The following AUTS2 variants were observed in gnomAD, a reference collection of about 807,000 sequenced individuals.
AUTS2 encodes activator of transcription and developmental regulator AUTS2.
In AUTS2, 17 loss-of-function variants were observed where a neutral mutation model predicts 112.4. That is an observed-to-expected ratio of 0.15 (90% confidence interval 0.10 to 0.23). The LOEUF (loss-of-function observed/expected upper bound fraction) is 0.23, where lower values mean the gene tolerates loss of function less well. Ranked by LOEUF, AUTS2 falls within the 10% of genes least tolerant of loss-of-function variation. The probability of loss-of-function intolerance (pLI) is 1.00; values close to 1 mark genes in which losing one functional copy is unlikely to be tolerated. For missense variants in AUTS2, 1,510 were observed against 1,701.6 expected (o/e 0.89, Z 1.98); for synonymous variants, 751 against 702.7 (o/e 1.07, Z -1.09).
chr7:70,509,532 T>A (rs1799099364), intron 5 of AUTS2, among the ~76,000 whole-genome samples: 1 of 152,202 alleles, frequency 6.6e-6, no homozygotes, highest in Non-Finnish European at 1.5e-5. Flanking sequence ...TAGGGAGGAT[T>A]CTTTAGTTTA....
chr7:69,710,638 C>G (rs565422861), intron 1 of AUTS2, among the ~76,000 whole-genome samples: 23 of 152,344 alleles, frequency 1.5e-4, no homozygotes, highest in African/African-American at 5.3e-4. Context: ...AAAACCTAAA[C>G]TTCTAAGTTG....
intron 5 of AUTS2, among the ~76,000 whole-genome samples, chr7:70,524,655 A>C (rs1437987383): frequency 6.6e-6 from 1 of 152,198 alleles, no homozygotes; most frequent in Non-Finnish European, 1.5e-5. Flanking sequence ...TTGGCTTTCC[A>C]GGCAGCCTCA....
intron 1 of AUTS2, among the ~76,000 whole-genome samples, chr7:69,687,207 C>G (rs1356709622): frequency 6.6e-6 from 1 of 152,100 alleles, no homozygotes; most frequent in Non-Finnish European, 1.5e-5. Context: ...TTCAAAAAGT[C>G]AAATTTCTAA....
intron 5 of AUTS2, among the ~76,000 whole-genome samples, chr7:70,562,480 A>G (rs1317894350): frequency 1.3e-5 from 2 of 152,220 alleles, no homozygotes; most frequent in African/African-American, 4.8e-5. Flanking sequence ...CTGTATTGAT[A>G]GGCCAGTAGA....
intron 1 of AUTS2, among the ~76,000 whole-genome samples, chr7:69,747,960 A>G (rs1787573789): frequency 6.6e-6 from 1 of 152,154 alleles, no homozygotes; most frequent in South Asian, 2.1e-4. Flanking sequence ...GGGATGGCTT[A>G]GCATTGTATT....
intron 2 of AUTS2, among the ~76,000 whole-genome samples, chr7:69,961,629 A>G (rs762645596): frequency 3.9e-5 from 6 of 152,166 alleles, no homozygotes; most frequent in Non-Finnish European, 8.8e-5. Context: ...TCTTAGCTCA[A>G]AATTCTCTGG....
intron 5 of AUTS2, among the ~76,000 whole-genome samples, chr7:70,665,674 C>A (rs1188389286): frequency 6.6e-6 from 1 of 152,128 alleles, no homozygotes; most frequent in African/African-American, 2.4e-5. Flanking sequence ...GACCTTTAAA[C>A]AACTCGGGTT....
intron 1 of AUTS2, among the ~76,000 whole-genome samples, chr7:69,668,924 T>C (rs1796193761): frequency 6.6e-6 from 1 of 152,180 alleles, no homozygotes; most frequent in African/African-American, 2.4e-5. Flanking sequence ...AATCATTTGT[T>C]GGTAGTAGCA....
intron 1 of AUTS2, among the ~76,000 whole-genome samples, chr7:69,713,767 G>T (rs1418010128): frequency 6.6e-6 from 1 of 152,040 alleles, no homozygotes; most frequent in Non-Finnish European, 1.5e-5. Context: ...GGCCTTAAGA[G>T]TTCTTTACGT....
intron 2 of AUTS2, among the ~76,000 whole-genome samples, chr7:69,977,679 T>G (rs2129549104): frequency 6.6e-6 from 1 of 152,342 alleles, no homozygotes; most frequent in Non-Finnish European, 1.5e-5. Flanking sequence ...GTACTTGTCT[T>G]TACAGTTTCC....
At chr7:70,503,772 G>A (rs942544903) in intron 5 of AUTS2, among the ~76,000 whole-genome samples, 1 of 150,552 alleles carries the variant, frequency 6.6e-6, no homozygotes, top group East Asian at 1.9e-4. Context: ...TCCCACCTTG[G>A]CCTCCCAAAA....
At position 70,502,121 on chromosome 7, in the gene AUTS2, G is replaced by A. The variant is rs927107752; in HGVS notation, c.690+66340G>A. On this transcript the variant is annotated intron_variant, in intron 5 of 18. Coordinates refer to ENST00000342771, the MANE Select transcript of AUTS2 (RefSeq NM_015570.4). ...ACTGGTTAGAAATGGAAGCACCTCC[G>A]TGACTTTCCTCTCCCTGTCATGGTG... Among the ~76,000 whole-genome samples, 3 of 152,128 alleles carry A rather than the reference G, an allele frequency of 2.0e-5. 1 individual carries two copies. Among genetic ancestry groups the A allele is most frequent in the South Asian group, 4.1e-4 (2 of 4,830 alleles).
chr7:70,391,185 G>T lies in AUTS2; in HGVS notation c.661-44567G>T, dbSNP rs529988915. On this transcript the variant is annotated intron_variant, in intron 4 of 18. Coordinates refer to ENST00000342771, the MANE Select transcript of AUTS2 (RefSeq NM_015570.4). Reference sequence around the variant, plus strand: ...CTCAGTAATTCACATTTGCAGCCAAGGCTGAGAAGCAAGCACTGATTTAGA... The same window carrying T: ...CTCAGTAATTCACATTTGCAGCCAATGCTGAGAAGCAAGCACTGATTTAGA... Among the ~76,000 whole-genome samples the T allele has an allele frequency of 8.1e-4, 124 of 152,302 alleles. 2 individuals carry two copies. Among genetic ancestry groups the T allele is most frequent in the Non-Finnish European group, 1.3e-4 (9 of 68,028 alleles).
chr7:69,700,202 A>G (rs1406278188), intron 1 of AUTS2, among the ~76,000 whole-genome samples: 1 of 152,106 alleles, frequency 6.6e-6, no homozygotes. Flanking sequence ...TTCAATTTGC[A>G]TTTCTTATTA....
intron 4 of AUTS2, among the ~76,000 whole-genome samples, chr7:70,254,348 C>T (rs569143654): frequency 1.6e-4 from 24 of 152,272 alleles, no homozygotes; most frequent in Non-Finnish European, 2.6e-4. Context: ...TGCTTTCAAA[C>T]ATAGATTATA....
intron 2 of AUTS2, among the ~76,000 whole-genome samples, chr7:70,008,196 C>A (rs1253897549): frequency 1.3e-5 from 2 of 152,034 alleles, no homozygotes; most frequent in South Asian, 2.1e-4. Flanking sequence ...TAAATATGTA[C>A]ATATTCATAT....
chr7:70,731,680 C>T (rs1210586016), intron 6 of AUTS2, among the ~76,000 whole-genome samples: 1 of 151,988 alleles, frequency 6.6e-6, no homozygotes, highest in East Asian at 1.9e-4. Context: ...CCACCCACCT[C>T]GGCCTCCCAG....
intron 4 of AUTS2, among the ~76,000 whole-genome samples, chr7:70,177,422 A>G (rs996638732): frequency 3.9e-5 from 6 of 152,184 alleles, no homozygotes; most frequent in African/African-American, 1.4e-4. Flanking sequence ...TCAGAGATGA[A>G]TGTGTGCGTG....
chr7:70,777,584 C>T (rs1467157493), intron 14 of AUTS2, among the ~76,000 whole-genome samples: 1 of 152,134 alleles, frequency 6.6e-6, no homozygotes, highest in Non-Finnish European at 1.5e-5. Flanking sequence ...AGCAGTTCTC[C>T]CACCTGAGCC....
Sources: gnomAD v4.1 joint callset for allele counts (sites outside exome capture counted in the v4.1 genomes callset) on GRCh38, gnomAD v4.1.1 for gene constraint, MANE v1.5 for transcripts, NCBI Gene and HGNC (gene_info 2026-07-23, HGNC 2026-07-21) for gene names.